FHIT: variants seen among roughly 807,000 people sequenced by gnomAD.
FHIT encodes the protein bis(5'-adenosyl)-triphosphatase.
Under a neutral mutation model 17.9 loss-of-function variants are expected in FHIT, and 19 were observed. The observed-to-expected ratio is 1.06, with a 90% CI of 0.74 to 1.56. The LOEUF (loss-of-function observed/expected upper bound fraction) is 1.56. Among genes scored for constraint, FHIT ranks in the 40% most tolerant of loss-of-function variants. FHIT has a pLI of 0.00. For missense variants in FHIT, 248 were observed against 189.2 expected (o/e 1.31, Z -1.82); for synonymous variants, 81 against 69.7 (o/e 1.16, Z -0.81).
intron 5 of FHIT, among the ~76,000 whole-genome samples, chr3:60,202,788 C>A (rs1702976873): frequency 6.6e-6 from 1 of 152,108 alleles, no homozygotes; most frequent in Admixed American, 6.5e-5. Flanking sequence ...TATGTATGCT[C>A]TGTCTTCGTG....
In FHIT at chr3:59,985,762, T is replaced by C. The variant is rs372190386; in HGVS notation, c.279+25609A>G. The stretch of plus-strand genomic sequence containing the variant: ...TGTGGCACATGCCCTTAAGAGACAT[T>C]ATTAATTGATCACCTCTCACTTTCA... On this transcript the variant is annotated intron_variant, in intron 7 of 9. Coordinates refer to ENST00000492590, the MANE Select transcript of FHIT (RefSeq NM_002012.4). 2.4e-4 allele frequency among the ~76,000 whole-genome samples: 36 copies of C among 152,224 alleles called. No homozygotes were observed. The Middle Eastern group carries it at 0.01, about 43-fold the overall frequency.
chr3:60,922,409 G>C (rs1707332575), intron 3 of FHIT, among the ~76,000 whole-genome samples: 1 of 152,128 alleles, frequency 6.6e-6, no homozygotes, highest in Non-Finnish European at 1.5e-5. Context: ...GTGTCAGATG[G>C]GGACCCATTA....
intron 5 of FHIT, among the ~76,000 whole-genome samples, chr3:60,360,112 A>G (rs1699846598): frequency 6.6e-6 from 1 of 151,754 alleles, no homozygotes; most frequent in Admixed American, 6.6e-5. Flanking sequence ...TATTATATTC[A>G]AATACTAAGC....
At chr3:60,473,815 C>G (rs1372605822) in intron 5 of FHIT, among the ~76,000 whole-genome samples, 2 of 151,948 alleles carry the variant, frequency 1.3e-5, no homozygotes, top group East Asian at 3.9e-4. Context: ...CCCAGCTACT[C>G]AGGAGGCCGA....
intron 4 of FHIT, among the ~76,000 whole-genome samples, chr3:60,564,384 T>C (rs2037059952): frequency 6.6e-6 from 1 of 152,192 alleles, no homozygotes; most frequent in Admixed American, 6.6e-5. Context: ...ACAATATCTA[T>C]TCTGCAGCCC....
chr3:60,684,330 T>A (rs995962187), intron 4 of FHIT, among the ~76,000 whole-genome samples: 1 of 152,122 alleles, frequency 6.6e-6, no homozygotes, highest in Non-Finnish European at 1.5e-5. Context: ...AAGGACCATT[T>A]TTTTTGCAAA....
At chr3:60,331,277 T>A (rs1709959748) in intron 5 of FHIT, among the ~76,000 whole-genome samples, 1 of 152,146 alleles carries the variant, frequency 6.6e-6, no homozygotes. Flanking sequence ...TGCCCTTTCC[T>A]GATTTTTTTT....
At chr3:60,851,519 A>G (rs1703154109) in intron 3 of FHIT, among the ~76,000 whole-genome samples, 1 of 152,152 alleles carries the variant, frequency 6.6e-6, no homozygotes, top group Admixed American at 6.6e-5. Context: ...GTCTAACAGA[A>G]TGACCTATAT....
rs147278804 is a variant in FHIT at position 59,805,199 on chromosome 3, G to A, written c.349-52878C>T. Among the ~76,000 whole-genome samples, 137 of 152,308 alleles carry A rather than the reference G, an allele frequency of 9.0e-4. 1 individual carries two copies. The Middle Eastern group carries it at 0.014, about 15-fold the overall frequency. ...CTCCTTCAGAGCTTGTGAAGACAGA[G>A]ATAAAGGTCAGTCAAGCCCAGGACC... On this transcript the variant is annotated intron_variant, in intron 8 of 9. Coordinates refer to ENST00000492590, the MANE Select transcript of FHIT (RefSeq NM_002012.4).
At chr3:59,934,954 C>T (rs1706160428) in intron 7 of FHIT, among the ~76,000 whole-genome samples, 3 of 152,094 alleles carry the variant, frequency 2.0e-5, no homozygotes, top group Admixed American at 1.3e-4. Context: ...AATTTATAAT[C>T]ACTGCCTCTA....
At chr3:60,139,738 T>G (rs1195057206) in intron 5 of FHIT, among the ~76,000 whole-genome samples, 1 of 151,328 alleles carries the variant, frequency 6.6e-6, no homozygotes, top group South Asian at 2.1e-4. Flanking sequence ...TGTATGGAAT[T>G]ACGTCCCGAG....
At chr3:60,531,307 C>G (rs1429425104) in intron 5 of FHIT, among the ~76,000 whole-genome samples, 2 of 125,554 alleles carry the variant, frequency 1.6e-5, no homozygotes, top group African/African-American at 6.2e-5. Flanking sequence ...GAGACGGAGT[C>G]TCGCTCTGTC....
At chr3:60,284,192 C>A (rs909424075) in intron 5 of FHIT, among the ~76,000 whole-genome samples, 2 of 152,048 alleles carry the variant, frequency 1.3e-5, no homozygotes, top group Non-Finnish European at 2.9e-5. Flanking sequence ...CCTAAAAAGA[C>A]CCTTCATGAA....
chr3:60,653,808 G>T (rs1207272743), intron 4 of FHIT, among the ~76,000 whole-genome samples: 1 of 152,122 alleles, frequency 6.6e-6, no homozygotes, highest in Non-Finnish European at 1.5e-5. Flanking sequence ...TCTTTTGAGG[G>T]CAAAATAAAA....
At chr3:60,618,042 T>TAAA in intron 4 of FHIT, 1 of 158,220 alleles carries the variant, frequency 6.3e-6, no homozygotes, top group Non-Finnish European at 1.4e-5. Flanking sequence ...ACTCTGGAGT[T>TAAA]AAAAAAAAAA....
Position 60,100,118 on chromosome 3 carries a change from A to G in FHIT, c.104-85966T>C, listed in dbSNP as rs1704129751. Among the ~76,000 whole-genome samples, 3 of 152,292 alleles carry G rather than the reference A, an allele frequency of 2.0e-5. No homozygotes were observed. In the South Asian group the frequency reaches 6.2e-4, roughly 32 times the overall value. On this transcript the variant is annotated intron_variant, in intron 5 of 9. Coordinates refer to ENST00000492590, the MANE Select transcript of FHIT (RefSeq NM_002012.4). ...AGTCTGTTCTCACCAGTCTCAATAT[A>G]GGACTGAAAAGCTATCTTCTCCAAC...
At chr3:60,041,823 G>C (rs992093675) in intron 5 of FHIT, among the ~76,000 whole-genome samples, 4 of 152,174 alleles carry the variant, frequency 2.6e-5, no homozygotes, top group African/African-American at 7.2e-5. Context: ...GAGAAGGGCA[G>C]ATTAGGAAAT....
chr3:60,925,297 G>A (rs1707528188), intron 3 of FHIT, among the ~76,000 whole-genome samples: 1 of 152,152 alleles, frequency 6.6e-6, no homozygotes, highest in South Asian at 2.1e-4. Flanking sequence ...AAATGTTAAT[G>A]GCAGCCAGAG....
chr3:60,346,270 T>G (rs6802584), intron 5 of FHIT, among the ~76,000 whole-genome samples: 1 of 152,160 alleles, frequency 6.6e-6, no homozygotes, highest in Non-Finnish European at 1.5e-5. Flanking sequence ...TTTTGCTACC[T>G]ATAAGAGTAG....
Sources: allele counts gnomAD v4.1 joint callset (sites outside exome capture counted in the v4.1 genomes callset), GRCh38; gene constraint gnomAD v4.1.1; transcripts MANE v1.5; gene names NCBI Gene and HGNC (gene_info 2026-07-23, HGNC 2026-07-21).